Variants in PLCG1 observed in about 807,000 individuals in gnomAD.
The protein encoded by PLCG1 is phospholipase C gamma 1.
In PLCG1, 71 loss-of-function variants were observed where a neutral mutation model predicts 177.8. The observed-to-expected ratio is 0.40, with a 90% CI of 0.33 to 0.49. The LOEUF (loss-of-function observed/expected upper bound fraction) is 0.49. Ranked by LOEUF, PLCG1 falls within the 20% of genes least tolerant of loss-of-function variation. The pLI is 0.72. For missense variants in PLCG1, 1,281 were observed against 1,709.0 expected (o/e 0.75, Z 4.42); for synonymous variants, 658 against 647.9 (o/e 1.02, Z -0.24).
At chr20:41,171,839 G>T (rs2035910609) in intron 24 of PLCG1, among the ~76,000 whole-genome samples, 1 of 152,202 alleles carries the variant, frequency 6.6e-6, no homozygotes, top group Admixed American at 6.5e-5. Context: ...CCCAGCATGA[G>T]GCTGGGTAAT....
rs1200773997 is a variant in PLCG1 at position 41,173,870 on chromosome 20, G to GGCCCCTTGCTCT, written c.3557-51_3557-40dup. ...CAATCTTGCTGGCAGGGTGGGGCTGGGCCCCTTGCTCTGTCCCTCGTGGGC... is the reference window on the plus strand; with the variant it reads ...CAATCTTGCTGGCAGGGTGGGGCTGGGCCCCTTGCTCTGCCCCTTGCTCTGTCCCTCGTGGGC... On this transcript the variant is annotated intron_variant, in intron 29 of 31. Coordinates refer to ENST00000685551, the MANE Select transcript of PLCG1 (RefSeq NM_002660.3). This position sits in a 1 kb window ranked among gnomAD's most constrained non-coding sequence, Gnocchi z 6.2. 5 of 1,609,624 alleles carry GGCCCCTTGCTCT rather than the reference G, an allele frequency of 3.1e-6. No individual in the cohort carries two copies. The highest frequency in any genetic ancestry group is 2.6e-6 in the Non-Finnish European group (3 of 1,176,186).
chr20:41,137,578 C>T lies in PLCG1; in HGVS notation c.-64C>T, dbSNP rs1257481497. ...TCAGCCTCAGCCCCAACCTCAGCCG[C>T]CGCCGTTGCGCTTGCTCCCGGGCGG... On this transcript the variant is annotated 5_prime_UTR_variant, in exon 1 of 32. Coordinates refer to ENST00000685551, the MANE Select transcript of PLCG1 (RefSeq NM_002660.3). This position sits in a 1 kb window ranked among gnomAD's most constrained non-coding sequence, Gnocchi z 7.3. The T allele has an allele frequency of 2.1e-5, 22 of 1,034,894 alleles. No individual in the cohort carries two copies. The highest frequency in any genetic ancestry group is 8.7e-5 in the Admixed American group (2 of 22,928). 64.1% of individuals were successfully genotyped at this position (1,034,894 alleles called of 1,614,324 possible).
intron 1 of PLCG1, among the ~76,000 whole-genome samples, chr20:41,152,701 G>A (rs2035202315): frequency 6.6e-6 from 1 of 152,254 alleles, no homozygotes; most frequent in Non-Finnish European, 1.5e-5. Flanking sequence ...GTTTGTGTTG[G>A]ACTGGTAGGG....
chr20:41,139,002 C>G (rs2145990622), intron 1 of PLCG1, among the ~76,000 whole-genome samples: 1 of 152,214 alleles, frequency 6.6e-6, no homozygotes, highest in South Asian at 2.1e-4. Flanking sequence ...AGGCTCAGAA[C>G]CAGGTCTGTG....
At position 41,165,116 on chromosome 20, in the gene PLCG1, T is replaced by G; in HGVS notation, c.1386+15T>G. On this transcript the variant is annotated intron_variant, in intron 13 of 31. Coordinates refer to ENST00000685551, the MANE Select transcript of PLCG1 (RefSeq NM_002660.3). This position sits in a 1 kb window ranked among gnomAD's most constrained non-coding sequence, Gnocchi z 6.6. ...TCCTCATCAAGGTGGGGTGGCGGGC[T>G]TATTGCGGAAGCCCCACACTTCTCA... 6.2e-7 allele frequency: 1 copy of G among 1,608,846 alleles called. No homozygotes were observed. Among genetic ancestry groups the G allele is most frequent in the East Asian group, 2.2e-5 (1 of 44,786 alleles).
Position 41,160,818 on chromosome 20 carries a change from G to A in PLCG1, c.512+665G>A, listed in dbSNP as rs892085211. On this transcript the variant is annotated intron_variant, in intron 4 of 31. Coordinates refer to ENST00000685551, the MANE Select transcript of PLCG1 (RefSeq NM_002660.3). The surrounding 1 kb of genome is among the most constrained non-coding windows in gnomAD (Gnocchi z 5.5). ...AACAGATTGATTTTGGGGTGTGAGAGGCATTGAGGATAATAGTATGCTGTT... is the reference window on the plus strand; with the variant it reads ...AACAGATTGATTTTGGGGTGTGAGAAGCATTGAGGATAATAGTATGCTGTT... 2.0e-5 allele frequency among the ~76,000 whole-genome samples: 3 copies of A among 152,168 alleles called. No individual in the cohort carries two copies. The highest frequency in any genetic ancestry group is 2.9e-5 in the Non-Finnish European group (2 of 68,036).
At chr20:41,170,492 T>C in intron 24 of PLCG1, 1 of 544,842 alleles carries the variant, frequency 1.8e-6, no homozygotes, top group South Asian at 2.3e-5. Context: ...GATGGGTCGT[T>C]GAAGTGGGTC....
Position 41,173,057 on chromosome 20 carries a change from C to T in PLCG1, c.3279+180C>T, listed in dbSNP as rs147048286. Among the ~76,000 whole-genome samples, 74 of 152,246 alleles carry T rather than the reference C, an allele frequency of 4.9e-4. No individual in the cohort carries two copies. Among genetic ancestry groups the T allele is most frequent in the African/African-American group, 1.3e-3 (56 of 41,534 alleles). On this transcript the variant is annotated intron_variant, in intron 27 of 31. Transcript: ENST00000685551. This position sits in a 1 kb window ranked among gnomAD's most constrained non-coding sequence, Gnocchi z 6.2. ...ATGCAGTCACTGTATGCATCTAGGA[C>T]GTGCAGAGCCATGGTGTGACTTGTT...
Position 41,153,813 on chromosome 20 carries a change from T to C in PLCG1, c.218-5793T>C, listed in dbSNP as rs1038459425. 1.3e-5 allele frequency among the ~76,000 whole-genome samples: 2 copies of C among 152,178 alleles called. No individual in the cohort carries two copies. The highest frequency in any genetic ancestry group is 2.4e-5 in the African/African-American group (1 of 41,434). On this transcript the variant is annotated intron_variant, in intron 1 of 31. Transcript: ENST00000685551. The surrounding 1 kb of genome is among the most constrained non-coding windows in gnomAD (Gnocchi z 5.1). The stretch of plus-strand genomic sequence containing the variant: ...TGGGAGACTGAGGTATGAGAATCAC[T>C]TGAACCCCGGAGGCAGAGGTTGCAG...
Position 41,164,270 on chromosome 20 carries a change from G to T in PLCG1, c.1217+69G>T. 4.0e-6 allele frequency: 6 copies of T among 1,517,760 alleles called. No individual in the cohort carries two copies. Among genetic ancestry groups the T allele is most frequent in the Non-Finnish European group, 5.5e-6 (6 of 1,098,450 alleles). The allele number at this position is 1,517,760 out of a possible 1,614,324, so 94.0% of individuals were successfully genotyped here. ...GTCTCTCGTTCTAGAGGGACAGAGG[G>T]CAGAAAGACTCCTCAAATGCCCTGT... On this transcript the variant is annotated intron_variant, in intron 12 of 31. Transcript: ENST00000685551. This position sits in a 1 kb window ranked among gnomAD's most constrained non-coding sequence, Gnocchi z 6.4.
In PLCG1 at chr20:41,174,061, G is replaced by A. The variant is rs760560981; in HGVS notation, c.3645+50G>A. 1 of 1,607,264 alleles carries A rather than the reference G, an allele frequency of 6.2e-7. No homozygotes were observed. Among genetic ancestry groups the A allele is most frequent in the Non-Finnish European group, 8.5e-7 (1 of 1,174,070 alleles). ...CCTGGGGTAGGTGGGAGGAGAGCCA[G>A]GCAGCAGCCTCTAGAAGTGCAGAGG... On this transcript the variant is annotated intron_variant, in intron 30 of 31. Coordinates refer to ENST00000685551, the MANE Select transcript of PLCG1 (RefSeq NM_002660.3). This position sits in a 1 kb window ranked among gnomAD's most constrained non-coding sequence, Gnocchi z 5.8.
At chr20:41,143,932 C>T (rs1600632287) in intron 1 of PLCG1, among the ~76,000 whole-genome samples, 3 of 152,258 alleles carry the variant, frequency 2.0e-5, no homozygotes, top group Admixed American at 2.0e-4. Context: ...CTTTGTTAAC[C>T]ACAGAGCTCC....
rs982955952 is a variant in PLCG1 at position 41,165,942 on chromosome 20, T to C, written c.1799+116T>C. 11 of 889,966 alleles carry C rather than the reference T, an allele frequency of 1.2e-5. No individual in the cohort carries two copies. The highest frequency in any genetic ancestry group is 2.4e-4 in the Middle Eastern group (1 of 4,182). 55.1% of individuals were successfully genotyped at this position (889,966 alleles called of 1,614,324 possible). On this transcript the variant is annotated intron_variant, in intron 16 of 31. Transcript: ENST00000685551. This position sits in a 1 kb window ranked among gnomAD's most constrained non-coding sequence, Gnocchi z 6.6. ...TTGATCCAGGACAATAATTAGGCTT[T>C]ACATGGAACATAATTTCACCTACAT...
Position 41,167,992 on chromosome 20 carries a change from T to G in PLCG1, c.2379+63T>G. 1 of 1,097,696 alleles carries G rather than the reference T, an allele frequency of 9.1e-7. No homozygotes were observed. Among genetic ancestry groups the G allele is most frequent in the Admixed American group, 1.7e-5 (1 of 57,650 alleles). The allele number at this position is 1,097,696 out of a possible 1,614,324, so 68.0% of individuals were successfully genotyped here. A position where few individuals can be genotyped will look rare whatever the true frequency, so the allele number is the denominator to read the frequency against. ...GGTCCCCAGCTGCTTGGGGCTTCATTTCTGTGTTCTGGGCCATCTGTGGTC... is the reference window on the plus strand; with the variant it reads ...GGTCCCCAGCTGCTTGGGGCTTCATGTCTGTGTTCTGGGCCATCTGTGGTC... On this transcript the variant is annotated intron_variant, in intron 20 of 31. Transcript: ENST00000685551. This position sits in a 1 kb window ranked among gnomAD's most constrained non-coding sequence, Gnocchi z 4.4.
In PLCG1 at chr20:41,157,134, A is replaced by G. The variant is rs2866371; in HGVS notation, c.218-2472A>G. On this transcript the variant is annotated intron_variant, in intron 1 of 31. Transcript: ENST00000685551. This position sits in a 1 kb window ranked among gnomAD's most constrained non-coding sequence, Gnocchi z 5.4. ...GCTGCGCTATGCTTACCTGGTTCCT[A>G]TCTCAGGCACCTGTTCTGCCTTCAA... Among the ~76,000 whole-genome samples, 1,186 of 152,064 alleles carry G rather than the reference A, an allele frequency of 7.8e-3. 11 individuals are homozygous for G. Among genetic ancestry groups the G allele is most frequent in the African/African-American group, 0.027 (1,124 of 41,404 alleles).
At chr20:41,171,951 C>G (rs559078564) in intron 24 of PLCG1, among the ~76,000 whole-genome samples, 35 of 152,302 alleles carry the variant, frequency 2.3e-4, no homozygotes, top group African/African-American at 7.5e-4. Flanking sequence ...CCCCCACCCC[C>G]CCTAAGAGGG....
At position 41,137,646 on chromosome 20, in the gene PLCG1, C is replaced by A; in HGVS notation, c.5C>A (p.Ala2Glu). The A allele has an allele frequency of 1.5e-6, 2 of 1,318,396 alleles. No homozygotes were observed. The highest frequency in any genetic ancestry group is 1.9e-6 in the Non-Finnish European group (2 of 1,033,634). 81.7% of individuals were successfully genotyped at this position (1,318,396 alleles called of 1,614,324 possible). A position where few individuals can be genotyped will look rare whatever the true frequency, so the allele number is the denominator to read the frequency against. MAGAASPCANGC... is the reference protein window; with the variant it reads MEGAASPCANGC... The stretch of plus-strand genomic sequence containing the variant: ...GCCGCCCCCAGCGTCGGAGCCATGG[C>A]GGGCGCCGCGTCCCCTTGCGCCAAC... Residue 2 changes from alanine to glutamate, a missense_variant, in exon 1 of 32, where the codon GCG (alanine) becomes GAG (glutamate). Around this residue, in one of 4 missense-constraint regions of PLCG1, gnomAD observed 374 missense variants for 443.8 expected, o/e 0.84. Coordinates refer to ENST00000685551, the MANE Select transcript of PLCG1 (RefSeq NM_002660.3). This position sits in a 1 kb window ranked among gnomAD's most constrained non-coding sequence, Gnocchi z 7.3.
chr20:41,164,085 C>T lies in PLCG1; in HGVS notation c.1101C>T (p.Asp367=), dbSNP rs142753244. 4.2e-5 allele frequency: 68 copies of T among 1,614,066 alleles called. No individual in the cohort carries two copies. The highest frequency in any genetic ancestry group is 5.4e-5 in the Non-Finnish European group (64 of 1,180,050). The change falls in exon 12 of 32, where the codon GAC becomes GAT. Residue 367 remains aspartate (D), a synonymous_variant. Transcript: ENST00000685551. The surrounding 1 kb of genome is among the most constrained non-coding windows in gnomAD (Gnocchi z 6.4). ...CATGGTGATGTTGCTCCCCAGTGGA[C>T]TGCTGGGACGGCCCGGATGGGATGC... ...LRMGCRCIEL[D]CWDGPDGMPV...
In PLCG1 at chr20:41,172,584, C is replaced by G; in HGVS notation, c.3069C>G (p.Tyr1023Ter). ...GCCAGCGACTGGATTCCTCCAACTA[C>G]GATCCTTTGCCCATGTGGATCTGTG... is the stretch of plus-strand genomic sequence containing the variant. ...PKGQRLDSSNYDPLPMWICGS... is the reference protein window; with the variant it reads ...PKGQRLDSSN The change falls in exon 26 of 32, where the codon TAC (tyrosine) becomes TAG (stop). Residue 1023 changes from tyrosine (Y) to a stop codon, truncating the protein, a stop_gained. Transcript: ENST00000685551. LOFTEE classifies it high-confidence loss of function. The surrounding 1 kb of genome is among the most constrained non-coding windows in gnomAD (Gnocchi z 7.0). 6.2e-7 allele frequency: 1 copy of G among 1,614,226 alleles called. No individual in the cohort carries two copies. Among genetic ancestry groups the G allele is most frequent in the Non-Finnish European group, 8.5e-7 (1 of 1,180,036 alleles).
Sources: allele counts gnomAD v4.1 joint callset (sites outside exome capture counted in the v4.1 genomes callset), GRCh38; gene constraint gnomAD v4.1.1; regional missense constraint gnomAD v4.1.1; non-coding constraint Gnocchi (gnomAD v3.1); transcripts MANE v1.5; gene names NCBI Gene and HGNC (gene_info 2026-07-23, HGNC 2026-07-21).